Variants in COL6A5 observed in about 807,000 individuals in gnomAD.
COL6A5 encodes collagen alpha-5(VI) chain.
Under a neutral mutation model 65.6 loss-of-function variants are expected in COL6A5, and 48 were observed. The ratio of observed to expected loss-of-function variants is 0.73; its 90% CI spans 0.58 to 0.93. The LOEUF is 0.93. Ranked by LOEUF, COL6A5 falls within the 40% of genes least tolerant of loss-of-function variation. The probability of loss-of-function intolerance (pLI) is 0.00; values close to 1 mark genes in which losing one functional copy is unlikely to be tolerated. For missense variants in COL6A5, 914 were observed against 928.3 expected, an observed-to-expected ratio of 0.98 and a Z score of 0.20; for synonymous variants, 291 against 322.8, an observed-to-expected ratio of 0.90 and a Z score of 1.05.
At chr3:130,353,470 C>T (rs138692455) in intron 1 of COL6A5, among the ~76,000 whole-genome samples, 32 of 152,120 alleles carry the variant, frequency 2.1e-4, no homozygotes, top group Non-Finnish European at 3.5e-4. Context: ...GAAAGAAATG[C>T]AAGAGAGAAT....
intron 18 of COL6A5, 112 bp downstream of exon 18, chr3:130,409,500 T>C (rs1030608916): frequency 2.4e-6 from 2 of 849,630 alleles, no homozygotes. Flanking sequence ...GTCTTAGGAG[T>C]AGGGGTGATA....
At chr3:130,390,512 A>G (rs1442655440) in intron 6 of COL6A5, among the ~76,000 whole-genome samples, 2 of 152,076 alleles carry the variant, frequency 1.3e-5, no homozygotes, top group Non-Finnish European at 2.9e-5. Flanking sequence ...ACACTTTGGA[A>G]AGCCAGCCAA....
upstream of COL6A5, chr3:130,431,406 T>G: frequency 1.3e-6 from 2 of 1,535,560 alleles, no homozygotes; most frequent in Non-Finnish European, 1.8e-6. Flanking sequence ...AGTAAAGAGT[T>G]GGGGAAAGGA....
At chr3:130,451,351 G>A (rs146915172) in intron 4 of COL6A5, among the ~76,000 whole-genome samples, 2,230 of 152,190 alleles carry the variant, frequency 0.015, 38 homozygotes, top group Middle Eastern at 0.058. Context: ...GGGTTGGACC[G>A]GGATGAGAGT....
chr3:130,454,719 A>G (rs1709525527), intron 4 of COL6A5, among the ~76,000 whole-genome samples: 1 of 152,202 alleles, frequency 6.6e-6, no homozygotes, highest in Non-Finnish European at 1.5e-5. Context: ...TATGTTTTAT[A>G]TAATCTTACT....
At chr3:130,368,052 C>T (rs1935405360) in intron 1 of COL6A5, among the ~76,000 whole-genome samples, 1 of 152,188 alleles carries the variant, frequency 6.6e-6, no homozygotes, top group Non-Finnish European at 1.5e-5. Context: ...TGCCAAACCT[C>T]CTCGCCACAC....
intron 1 of COL6A5, among the ~76,000 whole-genome samples, chr3:130,437,666 C>T (rs938128041): frequency 3.9e-5 from 6 of 152,240 alleles, no homozygotes; most frequent in African/African-American, 1.4e-4. Context: ...TGTTCTCTCT[C>T]ACTCCATCCC....
At chr3:130,399,622 C>T (rs895562273) in intron 10 of COL6A5, among the ~76,000 whole-genome samples, 5 of 152,004 alleles carry the variant, frequency 3.3e-5, no homozygotes, top group African/African-American at 7.2e-5. Context: ...CCGCCCACCT[C>T]GGCCTCCCAA....
chr3:130,406,402 T>C (rs1936995508), intron 17 of COL6A5, 81 bp downstream of exon 17: 1 of 1,110,100 alleles, frequency 9.0e-7, no homozygotes, highest in Non-Finnish European at 1.3e-6. Context: ...TCAGTGGTTA[T>C]AGGGGATAAA....
intron 1 of COL6A5, among the ~76,000 whole-genome samples, chr3:130,368,062 C>A (rs1227578610): frequency 6.6e-6 from 1 of 152,218 alleles, no homozygotes. Flanking sequence ...CCTCGCCACA[C>A]CTACTTCTTC....
intron 1 of COL6A5, among the ~76,000 whole-genome samples, chr3:130,368,519 G>T (rs541500370): frequency 6.6e-6 from 1 of 151,092 alleles, no homozygotes; most frequent in Admixed American, 6.7e-5. Context: ...TTAGTGGTCG[G>T]TGTGTATGTG....
chr3:130,406,391 G>A (rs1350749312), intron 17 of COL6A5, 70 bp downstream of exon 17: 13 of 1,226,238 alleles, frequency 1.1e-5, no homozygotes, highest in Admixed American at 2.0e-5. Context: ...ACTGCTGTGT[G>A]TCAGTGGTTA....
chr3:130,460,849 G>A (rs1178158806), intron 5 of COL6A5, among the ~76,000 whole-genome samples: 1 of 151,572 alleles, frequency 6.6e-6, no homozygotes, highest in African/African-American at 2.4e-5. Context: ...GGAGGTGATA[G>A]TAATGATGCC....
chr3:130,446,332 G>A (rs182042616), intron 4 of COL6A5, among the ~76,000 whole-genome samples: 1 of 152,262 alleles, frequency 6.6e-6, no homozygotes, highest in African/African-American at 2.4e-5. Context: ...GAATAATTAT[G>A]TGTAGCAGGT....
At chr3:130,351,812 T>C (rs551912466) in intron 1 of COL6A5, among the ~76,000 whole-genome samples, 1 of 152,004 alleles carries the variant, frequency 6.6e-6, no homozygotes, top group Non-Finnish European at 1.5e-5. Flanking sequence ...ACTGGGTATA[T>C]ACCCAAAGGA....
At chr3:130,400,569 T>C (rs2107663602) in intron 10 of COL6A5, among the ~76,000 whole-genome samples, 1 of 152,334 alleles carries the variant, frequency 6.6e-6, no homozygotes, top group Non-Finnish European at 1.5e-5. Flanking sequence ...TTCCTCATGT[T>C]CTCAGGGCTT....
At chr3:130,405,603 A>G (rs1013844003) in exon 14 of COL6A5, 26 of 1,550,876 alleles carry the variant, frequency 1.7e-5, no homozygotes, top group African/African-American at 2.7e-5. Context: ...ACGAGGAGAC[A>G]CAGGACCCCA....
intron 29 of COL6A5, among the ~76,000 whole-genome samples, chr3:130,424,985 GGCTC>G (rs1937577417): frequency 2.6e-5 from 4 of 151,932 alleles, no homozygotes; most frequent in Non-Finnish European, 5.9e-5. Context: ...GTTATTTAAG[GGCTC>G]GCTCTTTCAG....
chr3:130,412,855 G>T (rs1448873168), intron 20 of COL6A5, among the ~76,000 whole-genome samples: 4 of 152,084 alleles, frequency 2.6e-5, no homozygotes, highest in African/African-American at 9.7e-5. Flanking sequence ...GAAAACAGCA[G>T]TTCCAAAATA....
Sources: allele counts gnomAD v4.1 joint callset (sites outside exome capture counted in the v4.1 genomes callset), GRCh38; gene constraint gnomAD v4.1.1; transcripts MANE v1.5; gene names NCBI Gene and HGNC (gene_info 2026-07-23, HGNC 2026-07-21).